DBT: variants seen among roughly 807,000 people sequenced by gnomAD.
The protein encoded by DBT is lipoamide acyltransferase component of branched-chain alpha-keto acid dehydrogenase complex, mitochondrial.
DBT carries 40 observed loss-of-function variants against 51.3 expected under a neutral mutation model. The observed-to-expected ratio is 0.78, with a 90% confidence interval of 0.61 to 1.02. The LOEUF (loss-of-function observed/expected upper bound fraction) is 1.02. Ranked by LOEUF, DBT falls within the 50% of genes least tolerant of loss-of-function variation. The probability of loss-of-function intolerance (pLI) is 0.00; values close to 1 mark genes in which losing one functional copy is unlikely to be tolerated. For missense variants in DBT, 510 were observed against 580.2 expected (o/e 0.88, Z 1.24); for synonymous variants, 181 against 190.4 (o/e 0.95, Z 0.41).
At position 100,197,168 on chromosome 1, in the gene DBT, C is replaced by G. The variant is rs2100763170; in HGVS notation, c.1282-746G>C. 2 of 152,466 alleles carry G rather than the reference C, an allele frequency of 1.3e-5. 1 individual carries two copies. The allele number at this position is 152,466 out of a possible 1,614,324, so 9.4% of individuals were successfully genotyped here. A position where few individuals can be genotyped will look rare whatever the true frequency, so the allele number is the denominator to read the frequency against. On this transcript the variant is annotated intron_variant, in intron 10 of 10. Transcript: ENST00000370132. ...ATAGACATAAAATCATGCTGTCAAA[C>G]TGCTATAAAAGTTTCTAAGCTCTAC...
chr1:100,240,723 A>G (rs1664163926), intron 2 of DBT, 38 bp downstream of exon 2: 1 of 1,539,108 alleles, frequency 6.5e-7, no homozygotes, highest in Non-Finnish European at 9.0e-7. Flanking sequence ...GAGGTACAAA[A>G]CATTATTTTA....
At chr1:100,229,078 A>G (rs891773628) in intron 4 of DBT, among the ~76,000 whole-genome samples, 1 of 152,200 alleles carries the variant, frequency 6.6e-6, no homozygotes, top group Non-Finnish European at 1.5e-5. Flanking sequence ...GCAACATGTC[A>G]TAGAAAATAT....
chr1:100,222,233 T>TAC (rs1662890633), intron 4 of DBT, among the ~76,000 whole-genome samples: 1 of 152,250 alleles, frequency 6.6e-6, no homozygotes, highest in Non-Finnish European at 1.5e-5. Flanking sequence ...AGTTAGATGG[T>TAC]ACACTACATT....
intron 7 of DBT, among the ~76,000 whole-genome samples, chr1:100,211,458 C>T (rs1041120398): frequency 5.3e-5 from 8 of 152,114 alleles, no homozygotes; most frequent in Admixed American, 4.6e-4. Context: ...CATGTGGTGG[C>T]CATGCATTGT....
chr1:100,230,248 G>C (rs1006637190), intron 4 of DBT, among the ~76,000 whole-genome samples: 5 of 152,108 alleles, frequency 3.3e-5, no homozygotes, highest in African/African-American at 1.2e-4. Context: ...ATGGCAACTG[G>C]CCAAAAGATA....
chr1:100,232,418 G>A (rs1412342671), intron 3 of DBT, among the ~76,000 whole-genome samples: 1 of 151,944 alleles, frequency 6.6e-6, no homozygotes, highest in East Asian at 1.9e-4. Context: ...GGGATAACAG[G>A]CATGAGCCAC....
At chr1:100,236,424 G>A (rs1663872819) in intron 2 of DBT, among the ~76,000 whole-genome samples, 1 of 152,126 alleles carries the variant, frequency 6.6e-6, no homozygotes, top group Non-Finnish European at 1.5e-5. Flanking sequence ...TTAGACTGCT[G>A]TTAACCATAT....
chr1:100,223,883 T>A (rs149034475), intron 4 of DBT, among the ~76,000 whole-genome samples: 1 of 152,292 alleles, frequency 6.6e-6, no homozygotes, highest in South Asian at 2.1e-4. Flanking sequence ...TCATTTTTTT[T>A]AATAGTATAT....
chr1:100,219,981 T>TA (rs1662754551), intron 4 of DBT, among the ~76,000 whole-genome samples: 1 of 151,810 alleles, frequency 6.6e-6, no homozygotes, highest in Admixed American at 6.6e-5. Context: ...CCTCTCTCTA[T>TA]AAAAAATTTT....
chr1:100,191,252 A>C lies in DBT; in HGVS notation c.*5003T>G, dbSNP rs1307212454. 6.6e-6 allele frequency: 1 copy of C among 152,246 alleles called. No individual in the cohort carries two copies. The highest frequency in any genetic ancestry group is 1.5e-5 in the Non-Finnish European group (1 of 68,044). The allele number at this position is 152,246 out of a possible 1,614,324, so 9.4% of individuals were successfully genotyped here. On this transcript the variant is annotated 3_prime_UTR_variant, in exon 11 of 11. Coordinates refer to ENST00000370132, the MANE Select transcript of DBT (RefSeq NM_001918.5). ...CAGCATCAGTTGAACTGTCAGCATA[A>C]CATGAAGTTTGAGAGTAGAATTATT...
rs567376365 is a variant in DBT, at chr1:100,190,746, T to C, written c.*5509A>G. The stretch of plus-strand genomic sequence containing the variant: ...CAAAAAGAAAGTGTGAGAATAGAAA[T>C]TTTGAGGTGAAAAGGAGAGAAATTC... On this transcript the variant is annotated 3_prime_UTR_variant, in exon 11 of 11. Coordinates refer to ENST00000370132, the MANE Select transcript of DBT (RefSeq NM_001918.5). 1.3e-5 allele frequency: 2 copies of C among 152,300 alleles called. No homozygotes were observed. The highest frequency in any genetic ancestry group is 2.1e-4 in the South Asian group (1 of 4,824). The allele number at this position is 152,300 out of a possible 1,614,324, so 9.4% of individuals were successfully genotyped here. A position where few individuals can be genotyped will look rare whatever the true frequency, so the allele number is the denominator to read the frequency against.
chr1:100,218,506 T>C lies in DBT; in HGVS notation c.555+120A>G. On this transcript the variant is annotated intron_variant, in intron 5 of 10. Transcript: ENST00000370132. ...GCAACTATTGCTTTTCAGTAGCAAA[T>C]ATCTTCATGTTTCCTTAATTTCATT... 3.5e-6 allele frequency: 4 copies of C among 1,150,744 alleles called. No homozygotes were observed. In the South Asian group the frequency reaches 3.9e-5, roughly 11 times the overall value. 71.3% of individuals were successfully genotyped at this position (1,150,744 alleles called of 1,614,324 possible). A position where few individuals can be genotyped will look rare whatever the true frequency, so the allele number is the denominator to read the frequency against.
intron 7 of DBT, chr1:100,213,253 C>T (rs1350393804): frequency 2.4e-6 from 3 of 1,259,888 alleles, no homozygotes; most frequent in Non-Finnish European, 2.0e-6. Context: ...GGGCGTGCGC[C>T]GCGTCCCCGC....
intron 4 of DBT, among the ~76,000 whole-genome samples, chr1:100,226,282 CCT>C (rs1491401276): frequency 2.9e-5 from 3 of 102,686 alleles, no homozygotes; most frequent in Admixed American, 1.6e-4. Context: ...CTAAATTATG[CCT>C]TTTTTTTTTT....
chr1:100,213,966 A>AAGAG, intron 7 of DBT, among the ~76,000 whole-genome samples: 1 of 135,924 alleles, frequency 7.4e-6, no homozygotes, highest in East Asian at 2.2e-4. Context: ...AAAAAAAAAA[A>AAGAG]AGAGAGAGAT....
intron 1 of DBT, among the ~76,000 whole-genome samples, chr1:100,248,017 G>T (rs908441636): frequency 6.6e-6 from 1 of 150,726 alleles, no homozygotes; most frequent in Non-Finnish European, 1.5e-5. Context: ...CAAAAGAATC[G>T]CTTGAAACTG....
rs895940301 is a variant in DBT, at chr1:100,191,723, T to G, written c.*4532A>C. On this transcript the variant is annotated 3_prime_UTR_variant, in exon 11 of 11. Coordinates refer to ENST00000370132, the MANE Select transcript of DBT (RefSeq NM_001918.5). ...AGAAAGACAAAAGGTCTCCTGGGGG[T>G]GTGTGTATATATATGTGTGTGTGTA... The G allele has an allele frequency of 1.9e-4, 28 of 150,188 alleles. No individual in the cohort carries two copies. The highest frequency in any genetic ancestry group is 6.4e-4 in the African/African-American group (26 of 40,552). The allele number at this position is 150,188 out of a possible 1,614,324, so 9.3% of individuals were successfully genotyped here. A position where few individuals can be genotyped will look rare whatever the true frequency, so the allele number is the denominator to read the frequency against.
chr1:100,209,038 C>T (rs1248880101), intron 8 of DBT, among the ~76,000 whole-genome samples: 1 of 150,830 alleles, frequency 6.6e-6, no homozygotes, highest in Non-Finnish European at 1.5e-5. Flanking sequence ...AGTGAGCTAT[C>T]TTAGGGTCAT....
intron 10 of DBT, among the ~76,000 whole-genome samples, chr1:100,197,868 A>G (rs1482379482): frequency 1.3e-5 from 2 of 152,204 alleles, no homozygotes; most frequent in East Asian, 3.9e-4. Flanking sequence ...TCTATAATGA[A>G]AACAAAATAG....
Sources: allele counts gnomAD v4.1 joint callset (sites outside exome capture counted in the v4.1 genomes callset), GRCh38; gene constraint gnomAD v4.1.1; transcripts MANE v1.5; gene names NCBI Gene and HGNC (gene_info 2026-07-23, HGNC 2026-07-21).